Variants in ACOXL observed in about 807,000 individuals in gnomAD.
ACOXL encodes acyl-coenzyme A oxidase-like protein.
Under a neutral mutation model 71.9 loss-of-function variants are expected in ACOXL, and 70 were observed. The ratio of observed to expected loss-of-function variants is 0.97; its 90% CI spans 0.80 to 1.19. The LOEUF (loss-of-function observed/expected upper bound fraction) is 1.19. ACOXL is among the 50% of genes most tolerant of loss of function. The pLI is 0.00. For missense variants in ACOXL, 703 were observed against 736.3 expected (o/e 0.95, Z 0.52); for synonymous variants, 253 against 281.6 (o/e 0.90, Z 1.02).
intron 12 of ACOXL, among the ~76,000 whole-genome samples, chr2:110,979,036 G>C (rs2062584973): frequency 6.6e-6 from 1 of 152,090 alleles, no homozygotes; most frequent in African/African-American, 2.4e-5. Context: ...GATTCCGGGG[G>C]TGAGTGCAGG....
chr2:110,858,917 T>C (rs1051082184), intron 10 of ACOXL, among the ~76,000 whole-genome samples: 6 of 152,352 alleles, frequency 3.9e-5, no homozygotes, highest in African/African-American at 1.4e-4. Flanking sequence ...AGTTTTGAAA[T>C]ATTTAATCCT....
chr2:111,042,871 T>A (rs2065848820), intron 15 of ACOXL, among the ~76,000 whole-genome samples: 1 of 152,126 alleles, frequency 6.6e-6, no homozygotes, highest in South Asian at 2.1e-4. Context: ...CAAGTGGATG[T>A]GACCAGCAAG....
intron 11 of ACOXL, among the ~76,000 whole-genome samples, chr2:110,923,208 T>A (rs960097745): frequency 6.6e-6 from 1 of 152,246 alleles, no homozygotes; most frequent in Non-Finnish European, 1.5e-5. Context: ...CCTAGTTTAC[T>A]GTCCCTGCTA....
At chr2:110,951,908 C>G (rs190572218) in intron 12 of ACOXL, among the ~76,000 whole-genome samples, 7 of 152,300 alleles carry the variant, frequency 4.6e-5, no homozygotes, top group Admixed American at 3.3e-4. Flanking sequence ...GTTTTCTGCT[C>G]TGTGATTATG....
chr2:111,104,377 C>T (rs776324385), intron 17 of ACOXL, among the ~76,000 whole-genome samples: 12 of 152,166 alleles, frequency 7.9e-5, no homozygotes, highest in South Asian at 4.1e-4. Flanking sequence ...CTGGGTCGCA[C>T]GGTAGGTGCA....
At chr2:110,784,638 T>G in intron 2 of ACOXL, 94 bp from the exon 3 acceptor site, 1 of 926,354 alleles carries the variant, frequency 1.1e-6, no homozygotes, top group Non-Finnish European at 1.6e-6. Context: ...TATTTTTTAT[T>G]ATAAAAGTAA....
intron 9 of ACOXL, among the ~76,000 whole-genome samples, chr2:110,808,949 A>T (rs115033873): frequency 1.4e-3 from 206 of 152,330 alleles, no homozygotes; most frequent in African/African-American, 4.6e-3. Flanking sequence ...CTGGGCACAT[A>T]GCAGACAAAC....
chr2:111,076,818 T>C (rs967218897), intron 16 of ACOXL, among the ~76,000 whole-genome samples: 1 of 152,320 alleles, frequency 6.6e-6, no homozygotes, highest in East Asian at 1.9e-4. Context: ...GCGCTACCTT[T>C]GGAGGCTTCA....
intron 1 of ACOXL, among the ~76,000 whole-genome samples, chr2:110,745,037 G>A (rs1029866600): frequency 3.3e-5 from 5 of 152,162 alleles, no homozygotes; most frequent in African/African-American, 7.2e-5. Context: ...GCCCTTTACC[G>A]TTCAGGTTAA....
chr2:110,836,241 G>A (rs558737894), intron 9 of ACOXL, among the ~76,000 whole-genome samples: 1 of 152,276 alleles, frequency 6.6e-6, no homozygotes, highest in South Asian at 2.1e-4. Flanking sequence ...TTGTTATCAT[G>A]AGAGAGCGGT....
chr2:110,887,324 G>C lies in ACOXL; in HGVS notation c.789-21465G>C, dbSNP rs79119178. ...ATGTTCCCACCTTTCAATGGGAACAGAGAATAAAAATTCCAGCTCTAGGGC... is the reference window on the plus strand; with the variant it reads ...ATGTTCCCACCTTTCAATGGGAACACAGAATAAAAATTCCAGCTCTAGGGC... On this transcript the variant is annotated intron_variant, in intron 10 of 17. Transcript: ENST00000439055. 1,299 of 153,970 alleles carry C rather than the reference G, an allele frequency of 8.4e-3. 10 individuals are homozygous for C. The highest frequency in any genetic ancestry group is 0.016 in the Admixed American group (248 of 15,626). 9.5% of individuals were successfully genotyped at this position (153,970 alleles called of 1,614,324 possible). A position where few individuals can be genotyped will look rare whatever the true frequency, so the allele number is the denominator to read the frequency against.
At chr2:110,810,740 A>G (rs552131883) in intron 9 of ACOXL, among the ~76,000 whole-genome samples, 17 of 152,358 alleles carry the variant, frequency 1.1e-4, no homozygotes, top group African/African-American at 3.1e-4. Flanking sequence ...CAGCTCATGT[A>G]TAATTTAGTA....
intron 1 of ACOXL, among the ~76,000 whole-genome samples, chr2:110,748,641 C>T (rs917353451): frequency 2.0e-5 from 3 of 152,146 alleles, no homozygotes; most frequent in African/African-American, 7.2e-5. Flanking sequence ...TTCCATTCAC[C>T]ATCAATTCAT....
intron 14 of ACOXL, among the ~76,000 whole-genome samples, chr2:111,008,543 T>C (rs1419656534): frequency 1.3e-5 from 2 of 152,232 alleles, no homozygotes; most frequent in African/African-American, 4.8e-5. Flanking sequence ...TAATCCTTCC[T>C]CCCAACCTTT....
chr2:110,938,401 C>T (rs950227601), intron 12 of ACOXL, among the ~76,000 whole-genome samples: 1 of 152,272 alleles, frequency 6.6e-6, no homozygotes, highest in African/African-American at 2.4e-5. Context: ...CCCAGCACCA[C>T]ATGGTGCAGC....
intron 9 of ACOXL, among the ~76,000 whole-genome samples, chr2:110,830,658 C>T (rs1158995660): frequency 2.6e-5 from 4 of 152,040 alleles, no homozygotes; most frequent in African/African-American, 4.8e-5. Flanking sequence ...CTCAGCCTCC[C>T]GAGTAGCTGG....
intron 11 of ACOXL, among the ~76,000 whole-genome samples, chr2:110,916,837 A>G (rs1031732531): frequency 2.0e-5 from 3 of 152,132 alleles, no homozygotes; most frequent in African/African-American, 7.2e-5. Flanking sequence ...GGACACATAC[A>G]CCCTCCCAAG....
intron 9 of ACOXL, among the ~76,000 whole-genome samples, chr2:110,814,570 C>T (rs1016785952): frequency 6.6e-6 from 1 of 152,048 alleles, no homozygotes. Context: ...ACCACAAAAC[C>T]CTTACAGGCT....
intron 9 of ACOXL, among the ~76,000 whole-genome samples, chr2:110,827,740 T>G (rs1253001369): frequency 6.6e-6 from 1 of 151,096 alleles, no homozygotes; most frequent in African/African-American, 2.4e-5. Flanking sequence ...GAAAGGAAGG[T>G]GGTTGGGCAT....
Sources: gnomAD v4.1 joint callset for allele counts (sites outside exome capture counted in the v4.1 genomes callset) on GRCh38, gnomAD v4.1.1 for gene constraint, MANE v1.5 for transcripts, NCBI Gene and HGNC (gene_info 2026-07-23, HGNC 2026-07-21) for gene names.